Variants in DIAPH2 observed in about 807,000 individuals in gnomAD.
The protein encoded by DIAPH2 is protein diaphanous homolog 2.
In DIAPH2, 35 loss-of-function variants were observed where a neutral mutation model predicts 92.7. The ratio of observed to expected loss-of-function variants is 0.38; its 90% CI spans 0.29 to 0.50. The LOEUF (loss-of-function observed/expected upper bound fraction) is 0.50, where lower values mean the gene tolerates loss of function less well. Among genes scored for constraint, DIAPH2 ranks in the 20% least tolerant of loss-of-function variants. The pLI is 0.94. For missense variants in DIAPH2, 701 were observed against 819.5 expected, an observed-to-expected ratio of 0.86 and a Z score of 1.77; for synonymous variants, 301 against 280.4, an observed-to-expected ratio of 1.07 and a Z score of -0.73.
At chrX:96,976,481 G>C (rs1345834280) in intron 17 of DIAPH2, among the ~76,000 whole-genome samples, 1 of 109,119 alleles carries the variant, frequency 9.2e-6, no homozygotes, top group Admixed American at 9.8e-5. Context: ...ATAAATAATT[G>C]TTTTTGTATA....
chrX:97,385,689 G>A (rs909411710), intron 25 of DIAPH2, among the ~76,000 whole-genome samples: 2 of 111,773 alleles, frequency 1.8e-5, no homozygotes, highest in African/African-American at 6.5e-5. Flanking sequence ...AATCCAAGTC[G>A]TCTCACTATA....
chrX:97,002,361 T>C (rs1439073976), intron 17 of DIAPH2, among the ~76,000 whole-genome samples: 2 of 111,216 alleles, frequency 1.8e-5, no homozygotes, highest in Non-Finnish European at 3.8e-5. Flanking sequence ...GGAACACGTA[T>C]GATCAAACTA....
Position 96,758,139 on chromosome X carries a change from T to A in DIAPH2, c.343-15T>A. On this transcript the variant is annotated splice_polypyrimidine_tract_variant and intron_variant, in intron 3 of 26. Transcript: ENST00000324765. ...GAAATTTATCAATGCCCACAGTAAA[T>A]GTTATCTCTTACAGGAGGACATGAA... 1 of 1,167,645 alleles carries A rather than the reference T, an allele frequency of 8.6e-7. No homozygotes were observed. The highest frequency in any genetic ancestry group is 1.8e-5 in the African/African-American group (1 of 56,102).
intron 22 of DIAPH2, among the ~76,000 whole-genome samples, chrX:97,196,778 C>CT (rs1174886230): frequency 1.9e-5 from 2 of 103,987 alleles, no homozygotes; most frequent in Admixed American, 1.0e-4. Context: ...GTTTTTATTT[C>CT]TTTTTTTTCG....
intron 17 of DIAPH2, among the ~76,000 whole-genome samples, chrX:97,043,230 G>T (rs1373053053): frequency 9.0e-6 from 1 of 111,306 alleles, no homozygotes; most frequent in Non-Finnish European, 1.9e-5. Flanking sequence ...TGCACAAAAG[G>T]CTTTATCTTT....
rs1450672563 is a variant in DIAPH2, at chrX:97,425,639, C to T, written c.3146-4011C>T. The stretch of plus-strand genomic sequence containing the variant: ...AAAATACAAAAAAAAAATTAGCTCC[C>T]GCATGGTGGTGCACACTTGTAATCC... On this transcript the variant is annotated intron_variant, in intron 25 of 26. Coordinates refer to ENST00000324765, the MANE Select transcript of DIAPH2 (RefSeq NM_006729.5). Among the ~76,000 whole-genome samples, 6 of 108,526 alleles carry T rather than the reference C, an allele frequency of 5.5e-5. No homozygotes were observed. The Admixed American group carries it at 6.0e-4, about 11-fold the overall frequency. The allele number at this position is 108,526 out of a possible 115,157, so 94.2% of individuals were successfully genotyped here. A position where few individuals can be genotyped will look rare whatever the true frequency, so the allele number is the denominator to read the frequency against.
intron 26 of DIAPH2, among the ~76,000 whole-genome samples, chrX:97,571,547 TAGC>T (rs778831909): frequency 9.0e-6 from 1 of 111,714 alleles, no homozygotes; most frequent in African/African-American, 3.2e-5. Context: ...ACAAGTATGG[TAGC>T]TGCTTTATAT....
chrX:96,888,117 A>G (rs1251465076), intron 5 of DIAPH2, among the ~76,000 whole-genome samples: 25 of 108,141 alleles, frequency 2.3e-4, no homozygotes, highest in Admixed American at 2.2e-3. Flanking sequence ...CTGGAGTGCA[A>G]TGTCACAATC....
chrX:96,891,415 A>G (rs1456467857), intron 5 of DIAPH2, among the ~76,000 whole-genome samples: 7 of 111,913 alleles, frequency 6.3e-5, no homozygotes, highest in African/African-American at 2.3e-4. Context: ...TGCACATACC[A>G]TGGTCTATGT....
chrX:97,118,962 C>T (rs1470164136), intron 21 of DIAPH2, among the ~76,000 whole-genome samples: 1 of 111,904 alleles, frequency 8.9e-6, no homozygotes, highest in East Asian at 2.8e-4. Flanking sequence ...CTTCTTGTAT[C>T]TTTTTTTGGA....
intron 26 of DIAPH2, among the ~76,000 whole-genome samples, chrX:97,589,618 A>G (rs187321787): frequency 1.4e-4 from 16 of 111,392 alleles, no homozygotes; most frequent in African/African-American, 4.9e-4. Flanking sequence ...GATATTCATT[A>G]GTATAAACAA....
At chrX:97,409,574 T>G (rs2069845803) in intron 25 of DIAPH2, among the ~76,000 whole-genome samples, 1 of 111,277 alleles carries the variant, frequency 9.0e-6, no homozygotes, top group African/African-American at 3.3e-5. Context: ...GGGCATCACC[T>G]CACCCGGGAA....
chrX:97,461,930 G>A (rs2070462513), intron 26 of DIAPH2, among the ~76,000 whole-genome samples: 1 of 111,467 alleles, frequency 9.0e-6, no homozygotes, highest in Non-Finnish European at 1.9e-5. Context: ...TGGCCTGTAG[G>A]GAACTTCAAA....
intron 17 of DIAPH2, among the ~76,000 whole-genome samples, chrX:97,005,901 A>G (rs2066178354): frequency 1.2e-5 from 1 of 85,084 alleles, no homozygotes; most frequent in Admixed American, 1.5e-4. Context: ...ATTTATTTGA[A>G]GTTTTTCTTT....
At chrX:97,136,951 A>G (rs2067174219) in intron 21 of DIAPH2, among the ~76,000 whole-genome samples, 1 of 109,576 alleles carries the variant, frequency 9.1e-6, no homozygotes, top group East Asian at 2.9e-4. Context: ...TTTCTTTTCT[A>G]TATCATTTTG....
intron 23 of DIAPH2, among the ~76,000 whole-genome samples, chrX:97,292,760 C>T (rs1226433269): frequency 1.8e-5 from 2 of 111,088 alleles, no homozygotes; most frequent in African/African-American, 3.3e-5. Flanking sequence ...CTCCTCAACT[C>T]ACTCAAGAGC....
At chrX:97,570,715 A>G (rs1264655894) in intron 26 of DIAPH2, among the ~76,000 whole-genome samples, 1 of 111,256 alleles carries the variant, frequency 9.0e-6, no homozygotes, top group Non-Finnish European at 1.9e-5. Context: ...TTTCTTATAT[A>G]TTAATTATTT....
chrX:97,018,410 T>C (rs2147869361), intron 17 of DIAPH2, among the ~76,000 whole-genome samples: 1 of 112,492 alleles, frequency 8.9e-6, no homozygotes, highest in Admixed American at 9.4e-5. Flanking sequence ...CATTTTTATT[T>C]TTATGAGAAG....
chrX:97,563,853 G>A (rs772567937), intron 26 of DIAPH2, among the ~76,000 whole-genome samples: 1 of 111,304 alleles, frequency 9.0e-6, no homozygotes, highest in Non-Finnish European at 1.9e-5. Flanking sequence ...ATTAGCTCAG[G>A]AAGGTGTTGT....
Sources: allele counts gnomAD v4.1 joint callset (sites outside exome capture counted in the v4.1 genomes callset), GRCh38; gene constraint gnomAD v4.1.1; transcripts MANE v1.5; gene names NCBI Gene and HGNC (gene_info 2026-07-23, HGNC 2026-07-21).